ERC1: variants seen among roughly 807,000 people sequenced by gnomAD.
ERC1 encodes ELKS/RAB6-interacting/CAST family member 1, also known as RAB6 interacting protein 2.
A neutral mutation model predicts 132.0 loss-of-function variants in ERC1; 56 were observed. That is an observed-to-expected ratio of 0.42 (90% confidence interval 0.34 to 0.53). The LOEUF is 0.53. ERC1 is among the 20% of genes least tolerant of loss of function. The probability of loss-of-function intolerance (pLI) is 0.03; values close to 1 mark genes in which losing one functional copy is unlikely to be tolerated. For missense variants in ERC1, 1,202 were observed against 1,349.9 expected (o/e 0.89, Z 1.72); for synonymous variants, 478 against 476.1 (o/e 1.00, Z -0.05).
At chr12:1,060,757 G>A (rs1172722444) in intron 2 of ERC1, among the ~76,000 whole-genome samples, 23 of 143,150 alleles carry the variant, frequency 1.6e-4, no homozygotes, top group Non-Finnish European at 3.0e-4. Flanking sequence ...ACGGAGTCTC[G>A]CTTTGTTGCC....
chr12:1,487,372 ATTTTTTTT>A (rs574707385), intron 18 of ERC1, among the ~76,000 whole-genome samples: 314 of 57,934 alleles, frequency 5.4e-3, no homozygotes, highest in African/African-American at 0.018. Flanking sequence ...AAGCATCTAG[ATTTTTTTT>A]TTTTTTTTTT....
chr12:1,082,484 ATTTTTTTTTTTTTT>A (rs143154890), intron 2 of ERC1, among the ~76,000 whole-genome samples: 1 of 113,674 alleles, frequency 8.8e-6, no homozygotes, highest in Admixed American at 9.2e-5. Flanking sequence ...AAAAAAAAAA[ATTTTTTTTTTTTTT>A]TTTTTTTTAA....
At position 1,141,695 on chromosome 12, in the gene ERC1, G is replaced by T; in HGVS notation, c.1645G>T (p.Ala549Ser). Residue 549 changes from alanine (A) to serine (S), a missense_variant, in exon 8 of 19, where the codon GCT (alanine) becomes TCT (serine). Physicochemically the swap from Ala to Ser is moderately conservative, Grantham distance 99. Coordinates refer to ENST00000360905, the MANE Select transcript of ERC1 (RefSeq NM_178040.4). ...AAAGACAAAACAAATTCAGGATATG[G>T]CTGAAGAGAAGGGGACACAAGCTGG... ...NKKTKQIQDM[A>S]EEKGTQAGEI... 6.2e-7 allele frequency: 1 copy of T among 1,613,516 alleles called. No homozygotes were observed. Among genetic ancestry groups the T allele is most frequent in the Non-Finnish European group, 8.5e-7 (1 of 1,179,608 alleles).
rs1434367494 is a variant in ERC1, at chr12:1,329,304, AAAAG to A, written c.2780+39300_2780+39303del. Among the ~76,000 whole-genome samples, 9 of 146,698 alleles carry A rather than the reference AAAAG, an allele frequency of 6.1e-5. 1 individual carries two copies. The highest frequency in any genetic ancestry group is 8.9e-5 in the Non-Finnish European group (6 of 67,090). ...GCAAGACTCTGAATCAAAAAAAAAA[AAAAG>A]AAAGAAAAGTCTTAGAAAAGGTTTT... is the stretch of plus-strand genomic sequence containing the variant. On this transcript the variant is annotated intron_variant, in intron 15 of 18. Transcript: ENST00000360905.
chr12:1,386,786 C>T (rs1448062266), intron 16 of ERC1: 9 of 152,162 alleles, frequency 5.9e-5, no homozygotes, highest in Non-Finnish European at 8.8e-5. Context: ...TCTCACACTC[C>T]GTTTTCAGGT....
intron 7 of ERC1, among the ~76,000 whole-genome samples, chr12:1,116,704 T>A (rs1015524677): frequency 5.3e-5 from 8 of 152,070 alleles, no homozygotes; most frequent in Non-Finnish European, 1.0e-4. Context: ...TGCCTCAGCC[T>A]CCTGAGTAGC....
At chr12:1,199,351 G>A (rs1308738176) in intron 12 of ERC1, among the ~76,000 whole-genome samples, 1 of 152,242 alleles carries the variant, frequency 6.6e-6, no homozygotes, top group Non-Finnish European at 1.5e-5. Context: ...GGAACTATTA[G>A]CTCTTGGCTT....
At chr12:1,396,237 T>C (rs189344431) in intron 16 of ERC1, among the ~76,000 whole-genome samples, 39 of 152,370 alleles carry the variant, frequency 2.6e-4, no homozygotes, top group Admixed American at 9.8e-4. Context: ...ATATCTATTT[T>C]TGTTTAATAC....
intron 2 of ERC1, among the ~76,000 whole-genome samples, chr12:1,033,658 G>A (rs1026379717): frequency 5.3e-5 from 8 of 151,246 alleles, no homozygotes; most frequent in African/African-American, 1.9e-4. Context: ...TTGAGACGGA[G>A]TCTTGCTCTG....
chr12:1,388,200 T>G (rs1272751660), intron 16 of ERC1, among the ~76,000 whole-genome samples: 2 of 151,660 alleles, frequency 1.3e-5, no homozygotes, highest in Non-Finnish European at 2.9e-5. Flanking sequence ...ATACAAAAAA[T>G]TAGCCAGGCG....
chr12:1,307,654 A>C (rs1312199887), intron 15 of ERC1, among the ~76,000 whole-genome samples: 4 of 152,210 alleles, frequency 2.6e-5, no homozygotes, highest in African/African-American at 4.8e-5. Context: ...GTTAGTCACC[A>C]ATCACTGTTT....
intron 15 of ERC1, among the ~76,000 whole-genome samples, chr12:1,330,810 T>A (rs2082807864): frequency 6.6e-6 from 1 of 152,218 alleles, no homozygotes; most frequent in Admixed American, 6.5e-5. Flanking sequence ...TTAGAGTCTC[T>A]TTGTCTTTTT....
chr12:1,383,230 C>A (rs2088904626), intron 16 of ERC1, among the ~76,000 whole-genome samples: 1 of 152,098 alleles, frequency 6.6e-6, no homozygotes, highest in Non-Finnish European at 1.5e-5. Context: ...ACGCTGGTGC[C>A]CTCCTCTCCC....
At chr12:1,418,762 G>T (rs2092304144) in intron 17 of ERC1, among the ~76,000 whole-genome samples, 1 of 146,888 alleles carries the variant, frequency 6.8e-6, no homozygotes. Flanking sequence ...GCTCAGACTG[G>T]AGTGTAGTGG....
intron 12 of ERC1, among the ~76,000 whole-genome samples, chr12:1,213,573 C>G (rs189662779): frequency 1.3e-5 from 2 of 151,964 alleles, no homozygotes; most frequent in African/African-American, 4.8e-5. Flanking sequence ...CCCATCTCTA[C>G]TAAAAATACA....
At chr12:1,431,513 ATTATC>A (rs1206968956) in intron 17 of ERC1, among the ~76,000 whole-genome samples, 1 of 152,142 alleles carries the variant, frequency 6.6e-6, no homozygotes, top group Non-Finnish European at 1.5e-5. Context: ...AGATTTTTAA[ATTATC>A]TTATGGAATC....
At chr12:1,359,947 CTT>C (rs35912764) in intron 15 of ERC1, among the ~76,000 whole-genome samples, 6 of 149,750 alleles carry the variant, frequency 4.0e-5, no homozygotes, top group African/African-American at 1.2e-4. Flanking sequence ...TAGATGCAGG[CTT>C]TTTTTTTTAA....
intron 3 of ERC1, among the ~76,000 whole-genome samples, chr12:1,095,286 C>T (rs1019521824): frequency 2.0e-5 from 3 of 151,192 alleles, no homozygotes; most frequent in African/African-American, 7.3e-5. Context: ...AAATATTAGC[C>T]AGGCATGGTG....
At chr12:1,164,998 G>A (rs913649050) in intron 8 of ERC1, among the ~76,000 whole-genome samples, 1 of 152,144 alleles carries the variant, frequency 6.6e-6, no homozygotes, top group Non-Finnish European at 1.5e-5. Context: ...TTTCAAACAA[G>A]CTACTCCAAA....
Sources: allele counts gnomAD v4.1 joint callset (sites outside exome capture counted in the v4.1 genomes callset), GRCh38; gene constraint gnomAD v4.1.1; transcripts MANE v1.5; gene names NCBI Gene and HGNC (gene_info 2026-07-23, HGNC 2026-07-21).